The following BEND6 variants were observed in gnomAD, a reference collection of about 807,000 sequenced individuals.
The protein encoded by BEND6 is BEN domain containing 6, also known as BEN domain-containing protein 6.
A neutral mutation model predicts 31.8 loss-of-function variants in BEND6; 24 were observed. The observed-to-expected ratio is 0.75, with a 90% CI of 0.55 to 1.06. The LOEUF (loss-of-function observed/expected upper bound fraction) is 1.06, where lower values mean the gene tolerates loss of function less well. Ranked by LOEUF, BEND6 falls within the 50% of genes least tolerant of loss-of-function variation. The pLI, the probability that BEND6 is intolerant of heterozygous loss-of-function variation, is 0.00. For synonymous variants in BEND6, 109 were observed against 114.6 expected (o/e 0.95, Z 0.31); for missense variants, 294 against 327.4 (o/e 0.90, Z 0.79).
At chr6:56,972,646 C>A (rs1825730404) in intron 1 of BEND6, among the ~76,000 whole-genome samples, 1 of 152,130 alleles carries the variant, frequency 6.6e-6, no homozygotes, top group African/African-American at 2.4e-5. Flanking sequence ...AGATGTATTT[C>A]TCAATTATGT....
At chr6:56,958,235 T>C (rs1825163463) in intron 1 of BEND6, among the ~76,000 whole-genome samples, 1 of 152,096 alleles carries the variant, frequency 6.6e-6, no homozygotes, top group Non-Finnish European at 1.5e-5. Context: ...CCCTCCTGAG[T>C]TTTTCCATCA....
intron 1 of BEND6, among the ~76,000 whole-genome samples, chr6:56,971,687 T>G (rs1267040217): frequency 1.2e-4 from 18 of 152,202 alleles, no homozygotes; most frequent in Non-Finnish European, 1.5e-5. Flanking sequence ...TAGTTTCTCC[T>G]TGTAGTTTTG....
chr6:56,973,428 C>G (rs1012361590), intron 1 of BEND6, among the ~76,000 whole-genome samples: 1 of 152,118 alleles, frequency 6.6e-6, no homozygotes, highest in African/African-American at 2.4e-5. Context: ...GTACCGAACT[C>G]TATATATACT....
At chr6:57,023,696 CTTGGG>C (rs1317415494) in intron 6 of BEND6, among the ~76,000 whole-genome samples, 1 of 152,204 alleles carries the variant, frequency 6.6e-6, no homozygotes, top group Non-Finnish European at 1.5e-5. Context: ...GCCTCAACTT[CTTGGG>C]CTCCAGCGAT....
chr6:57,022,003 G>A (rs910839450), intron 6 of BEND6, among the ~76,000 whole-genome samples: 4 of 152,102 alleles, frequency 2.6e-5, no homozygotes, highest in Admixed American at 6.5e-5. Flanking sequence ...TGGTTTGCTA[G>A]TATTTTGTTG....
At chr6:56,990,726 T>C (rs1423790970) in intron 2 of BEND6, among the ~76,000 whole-genome samples, 1 of 152,218 alleles carries the variant, frequency 6.6e-6, no homozygotes, top group Non-Finnish European at 1.5e-5. Flanking sequence ...TTAAAACCAA[T>C]TTATTAGGTT....
intron 3 of BEND6, among the ~76,000 whole-genome samples, chr6:57,005,273 A>C (rs1192947014): frequency 6.6e-6 from 1 of 152,208 alleles, no homozygotes; most frequent in Non-Finnish European, 1.5e-5. Context: ...AAATTCATTC[A>C]CATTAATTAC....
chr6:57,019,374 T>C (rs891684918), intron 6 of BEND6, among the ~76,000 whole-genome samples: 2 of 152,158 alleles, frequency 1.3e-5, no homozygotes, highest in African/African-American at 2.4e-5. Flanking sequence ...TTTCATTGAT[T>C]AATAGAGGCA....
At chr6:56,992,334 AG>A in intron 2 of BEND6, 43 bp from the exon 3 acceptor site, 3 of 1,543,272 alleles carry the variant, frequency 1.9e-6, no homozygotes, top group Non-Finnish European at 2.6e-6. Context: ...AAACCATTAA[AG>A]ATGCTATGAG....
In BEND6 at chr6:56,992,572, T is replaced by C; in HGVS notation, c.298+17T>C. Reference sequence around the variant, plus strand: ...TGCTTCAAGGTAAACTTTGAGAAAATTGACATTTTAGATAAAAGGGAAAGT... The same window carrying C: ...TGCTTCAAGGTAAACTTTGAGAAAACTGACATTTTAGATAAAAGGGAAAGT... On this transcript the variant is annotated intron_variant, in intron 3 of 6. Coordinates refer to ENST00000370746, the MANE Select transcript of BEND6 (RefSeq NM_152731.3). 3 of 1,596,992 alleles carry C rather than the reference T, an allele frequency of 1.9e-6. No individual in the cohort carries two copies. Among genetic ancestry groups the C allele is most frequent in the Non-Finnish European group, 2.6e-6 (3 of 1,174,462 alleles).
chr6:57,018,530 C>T lies in BEND6; in HGVS notation c.822C>T (p.Asn274=), dbSNP rs779788722. The T allele has an allele frequency of 7.7e-6, 12 of 1,566,552 alleles. 1 individual carries two copies. The South Asian group carries it at 1.3e-4, about 18-fold the overall frequency. ...AGCCAAATTTAAGCAAAAATCTTAA[C>T]TCTCAGGATATTAAATAGATCCTTT... ...TKKPNLSKNL[N]SQDIK Residue 274 remains asparagine, a synonymous_variant, in exon 6 of 7, where the codon AAC becomes AAT. Transcript: ENST00000370746.
At chr6:57,019,056 C>T (rs1036731959) in intron 6 of BEND6, among the ~76,000 whole-genome samples, 3 of 152,198 alleles carry the variant, frequency 2.0e-5, no homozygotes, top group Admixed American at 2.0e-4. Flanking sequence ...AAACTATTGG[C>T]TGAAGTGTGC....
At chr6:56,966,932 A>T (rs1201621707) in intron 1 of BEND6, among the ~76,000 whole-genome samples, 3 of 152,218 alleles carry the variant, frequency 2.0e-5, no homozygotes, top group African/African-American at 7.2e-5. Flanking sequence ...CCCCTTTGCC[A>T]CTGGAAATAG....
At chr6:57,015,403 A>C in intron 4 of BEND6, 50 bp downstream of exon 4, 1 of 1,457,832 alleles carries the variant, frequency 6.9e-7, no homozygotes, top group Non-Finnish European at 9.4e-7. Flanking sequence ...CTTAAATAAA[A>C]AATTTAAATA....
intron 3 of BEND6, among the ~76,000 whole-genome samples, chr6:56,997,849 G>A (rs186280509): frequency 6.9e-4 from 105 of 152,202 alleles, no homozygotes; most frequent in African/African-American, 2.3e-3. Context: ...ACCGCGCCTG[G>A]CCCATTTATT....
intron 1 of BEND6, among the ~76,000 whole-genome samples, chr6:56,958,432 A>C (rs888517920): frequency 2.0e-5 from 3 of 152,222 alleles, no homozygotes; most frequent in Non-Finnish European, 4.4e-5. Context: ...AGTTGAGAAA[A>C]AGGGAGGAAC....
At chr6:56,990,781 A>G (rs535927989) in intron 2 of BEND6, among the ~76,000 whole-genome samples, 77 of 152,310 alleles carry the variant, frequency 5.1e-4, no homozygotes, top group African/African-American at 1.6e-3. Flanking sequence ...TATTAATTCC[A>G]TGGCTCAATT....
In BEND6 at chr6:56,986,646, T is replaced by G. The variant is rs78089754; in HGVS notation, c.120+4716T>G. ...ACAGTCTTTTTGAGTTATTATTATTTAAGTCACTTCAGGATTTAAGCCTCA... is the reference window on the plus strand; with the variant it reads ...ACAGTCTTTTTGAGTTATTATTATTGAAGTCACTTCAGGATTTAAGCCTCA... On this transcript the variant is annotated intron_variant, in intron 2 of 6. Transcript: ENST00000370746. Among the ~76,000 whole-genome samples the G allele has an allele frequency of 5.2e-3, 791 of 152,318 alleles. 7 individuals are homozygous for G. Among genetic ancestry groups the G allele is most frequent in the Non-Finnish European group, 7.7e-3 (523 of 68,026 alleles).
intron 3 of BEND6, among the ~76,000 whole-genome samples, chr6:57,011,620 C>T (rs1047127944): frequency 4.4e-5 from 6 of 135,584 alleles, no homozygotes; most frequent in Admixed American, 8.0e-5. Flanking sequence ...TGGGAGACTG[C>T]GGTGGGAGGA....
Sources: allele counts gnomAD v4.1 joint callset (sites outside exome capture counted in the v4.1 genomes callset), GRCh38; gene constraint gnomAD v4.1.1; transcripts MANE v1.5; gene names NCBI Gene and HGNC (gene_info 2026-07-23, HGNC 2026-07-21).